MACROD2: variants seen among roughly 807,000 people sequenced by gnomAD.
The protein encoded by MACROD2 is ADP-ribose glycohydrolase MACROD2.
A neutral mutation model predicts 70.4 loss-of-function variants in MACROD2; 36 were observed. That is an observed-to-expected ratio of 0.51 (90% CI 0.39 to 0.68). The LOEUF is 0.68. Among genes scored for constraint, MACROD2 ranks in the 30% least tolerant of loss-of-function variants. MACROD2 has a pLI of 0.00. For synonymous variants in MACROD2, 172 were observed against 178.8 expected, an observed-to-expected ratio of 0.96 and a Z score of 0.30; for missense variants, 496 against 538.4, an observed-to-expected ratio of 0.92 and a Z score of 0.78.
chr20:14,154,262 CT>C (rs1427053849), intron 3 of MACROD2, among the ~76,000 whole-genome samples: 1 of 152,100 alleles, frequency 6.6e-6, no homozygotes, highest in Non-Finnish European at 1.5e-5. Context: ...TACTGGGCAG[CT>C]TTTGTTGCTG....
intron 10 of MACROD2, among the ~76,000 whole-genome samples, chr20:15,922,903 T>C (rs2065431979): frequency 6.6e-6 from 1 of 152,230 alleles, no homozygotes; most frequent in African/African-American, 2.4e-5. Flanking sequence ...ATAAGGTGAT[T>C]ACATTATCAT....
chr20:14,439,695 G>T (rs537514700), intron 3 of MACROD2, among the ~76,000 whole-genome samples: 1 of 152,128 alleles, frequency 6.6e-6, no homozygotes, highest in African/African-American at 2.4e-5. Context: ...ATTTAATAAT[G>T]TTATTTACTA....
chr20:15,891,226 G>C (rs1233050578), intron 10 of MACROD2, among the ~76,000 whole-genome samples: 1 of 152,138 alleles, frequency 6.6e-6, no homozygotes, highest in Non-Finnish European at 1.5e-5. Context: ...AGGAGTGGGG[G>C]TGAGAACAGC....
intron 5 of MACROD2, among the ~76,000 whole-genome samples, chr20:14,820,357 C>CTTTTTTTTT (rs11475238): frequency 2.2e-4 from 26 of 116,118 alleles, no homozygotes; most frequent in East Asian, 4.9e-4. Flanking sequence ...ATTTTTCTTC[C>CTTTTTTTTT]TTTTTTTTTT....
intron 7 of MACROD2, among the ~76,000 whole-genome samples, chr20:15,487,566 A>G (rs77996014): frequency 0.05 from 7,620 of 152,238 alleles, 290 homozygotes; most frequent in Non-Finnish European, 0.07. Flanking sequence ...CCCTATCTAA[A>G]CCATAGAATA....
intron 8 of MACROD2, among the ~76,000 whole-genome samples, chr20:15,707,558 C>T (rs142186827): frequency 1.1e-4 from 17 of 152,176 alleles, no homozygotes; most frequent in Admixed American, 4.6e-4. Flanking sequence ...CCAAGTCGGG[C>T]GGATTACTTG....
chr20:15,408,333 C>G (rs1285286365), intron 6 of MACROD2, among the ~76,000 whole-genome samples: 1 of 152,258 alleles, frequency 6.6e-6, no homozygotes, highest in Non-Finnish European at 1.5e-5. Context: ...GTGGAAGTCC[C>G]TTAGAGTATT....
chr20:15,182,871 C>T (rs565656659), intron 5 of MACROD2, among the ~76,000 whole-genome samples: 4 of 152,274 alleles, frequency 2.6e-5, no homozygotes, highest in African/African-American at 4.8e-5. Flanking sequence ...ATTGATGTGA[C>T]GTCTATAAAC....
intron 2 of MACROD2, among the ~76,000 whole-genome samples, chr20:14,039,002 C>T (rs1222227407): frequency 6.6e-6 from 1 of 152,124 alleles, no homozygotes; most frequent in African/African-American, 2.4e-5. Context: ...TCAGCATGCT[C>T]TATGAACTTG....
chr20:15,287,838 C>T (rs746601479), intron 6 of MACROD2, among the ~76,000 whole-genome samples: 1 of 152,180 alleles, frequency 6.6e-6, no homozygotes, highest in Non-Finnish European at 1.5e-5. Context: ...GATTAAGGAG[C>T]TATTGGCATT....
intron 4 of MACROD2, among the ~76,000 whole-genome samples, chr20:14,622,418 C>T (rs544755856): frequency 6.6e-6 from 1 of 152,118 alleles, no homozygotes; most frequent in South Asian, 2.1e-4. Context: ...TTTAAAATCA[C>T]CAGGAACTAG....
chr20:15,937,684 C>T, intron 12 of MACROD2, 140 bp downstream of exon 12: 2 of 630,868 alleles, frequency 3.2e-6, no homozygotes, highest in South Asian at 1.8e-5. Context: ...TAATTGACTA[C>T]ACCACCTACT....
chr20:15,116,096 G>C (rs1274843476), intron 5 of MACROD2, among the ~76,000 whole-genome samples: 1 of 152,156 alleles, frequency 6.6e-6, no homozygotes, highest in Non-Finnish European at 1.5e-5. Flanking sequence ...TTTCCTTCCT[G>C]GTAAAAGCCT....
intron 2 of MACROD2, among the ~76,000 whole-genome samples, chr20:14,082,220 C>T (rs1229702703): frequency 1.5e-5 from 2 of 133,800 alleles, no homozygotes. Context: ...CATCTGTCGC[C>T]CAGGCTGGAG....
At chr20:15,611,227 G>C (rs1396781215) in intron 8 of MACROD2, among the ~76,000 whole-genome samples, 1 of 151,984 alleles carries the variant, frequency 6.6e-6, no homozygotes, top group African/African-American at 2.4e-5. Flanking sequence ...CTTTAGGGTA[G>C]ATAGCAATGC....
At chr20:15,623,720 CGATG>C (rs2049162002) in intron 8 of MACROD2, among the ~76,000 whole-genome samples, 1 of 151,140 alleles carries the variant, frequency 6.6e-6, no homozygotes, top group Non-Finnish European at 1.5e-5. Flanking sequence ...ATCTATCTAT[CGATG>C]TGTCTATGTA....
intron 5 of MACROD2, among the ~76,000 whole-genome samples, chr20:14,880,716 A>T (rs1410068706): frequency 1.3e-5 from 2 of 152,192 alleles, no homozygotes; most frequent in East Asian, 3.9e-4. Context: ...CCAAAAATTA[A>T]AGTTGTATAA....
intron 5 of MACROD2, among the ~76,000 whole-genome samples, chr20:15,054,837 G>T (rs1455390385): frequency 1.3e-5 from 2 of 151,968 alleles, no homozygotes; most frequent in African/African-American, 4.8e-5. Flanking sequence ...AGGCTGGAGT[G>T]CAATGGCATG....
intron 3 of MACROD2, among the ~76,000 whole-genome samples, chr20:14,267,562 G>A (rs1037095786): frequency 6.6e-6 from 1 of 152,068 alleles, no homozygotes; most frequent in Admixed American, 6.5e-5. Context: ...TAGAGATAGG[G>A]TGAACATGTA....
Sources: gnomAD v4.1 joint callset for allele counts (sites outside exome capture counted in the v4.1 genomes callset) on GRCh38, gnomAD v4.1.1 for gene constraint, MANE v1.5 for transcripts, NCBI Gene and HGNC (gene_info 2026-07-23, HGNC 2026-07-21) for gene names.